The following MYO10 variants were observed in gnomAD, a reference collection of about 807,000 sequenced individuals.
MYO10 encodes the protein unconventional myosin-X.
MYO10 carries 133 observed loss-of-function variants against 257.3 expected under a neutral mutation model. The ratio of observed to expected loss-of-function variants is 0.52; its 90% CI spans 0.45 to 0.60. The LOEUF is 0.60. MYO10 is among the 20% of genes least tolerant of loss of function. MYO10 has a pLI of 0.00. For missense variants in MYO10, 2,399 were observed against 2,635.7 expected, an observed-to-expected ratio of 0.91 and a Z score of 1.97; for synonymous variants, 1,104 against 1,028.6, an observed-to-expected ratio of 1.07 and a Z score of -1.40.
chr5:16,851,302 C>T (rs1282915934), intron 2 of MYO10, among the ~76,000 whole-genome samples: 1 of 152,124 alleles, frequency 6.6e-6, no homozygotes, highest in Admixed American at 6.5e-5. Context: ...AGAGCAGTGG[C>T]CTTAGTAATC....
chr5:16,793,319 A>G (rs1741826368), intron 4 of MYO10, among the ~76,000 whole-genome samples: 3 of 152,200 alleles, frequency 2.0e-5, no homozygotes, highest in Non-Finnish European at 4.4e-5. Flanking sequence ...ATAAAAATTA[A>G]GAAATTTTAT....
intron 19 of MYO10, among the ~76,000 whole-genome samples, chr5:16,747,713 T>C (rs1445421718): frequency 6.6e-6 from 1 of 151,514 alleles, no homozygotes; most frequent in Non-Finnish European, 1.5e-5. Flanking sequence ...GGTCAGGAGA[T>C]TGAGACCAGT....
chr5:16,809,167 GAA>G (rs1553998520), intron 3 of MYO10, among the ~76,000 whole-genome samples: 3 of 142,778 alleles, frequency 2.1e-5, no homozygotes. Context: ...ATTTCATGTG[GAA>G]AAAAAAAAAA....
At chr5:16,790,147 A>C (rs564171948) in intron 4 of MYO10, among the ~76,000 whole-genome samples, 2 of 152,018 alleles carry the variant, frequency 1.3e-5, no homozygotes, top group South Asian at 4.2e-4. Context: ...AAGACCAAAC[A>C]CTCAATTACC....
At chr5:16,895,758 AC>A (rs1745198954) in intron 1 of MYO10, among the ~76,000 whole-genome samples, 1 of 24,988 alleles carries the variant, frequency 4.0e-5, no homozygotes, top group Non-Finnish European at 9.3e-5. Flanking sequence ...ACCACAACAC[AC>A]ACACACACAC....
chr5:16,767,671 G>C (rs1281198444), intron 10 of MYO10, among the ~76,000 whole-genome samples: 1 of 151,612 alleles, frequency 6.6e-6, no homozygotes, highest in Non-Finnish European at 1.5e-5. Context: ...TTTAACTTTT[G>C]ATTAGAAGTT....
At chr5:16,761,582 G>A in intron 16 of MYO10, 36 bp from the exon 17 acceptor site, 2 of 1,491,642 alleles carry the variant, frequency 1.3e-6, no homozygotes, top group Admixed American at 1.7e-5. Flanking sequence ...AAAACTGATT[G>A]AAAGAATAGT....
intron 9 of MYO10, among the ~76,000 whole-genome samples, chr5:16,773,497 T>TA (rs1013224624): frequency 1.3e-3 from 194 of 151,676 alleles, no homozygotes; most frequent in African/African-American, 4.6e-3. Flanking sequence ...ACCCCATTTC[T>TA]AAAAAAAATT....
intron 19 of MYO10, 37 bp downstream of exon 19, chr5:16,754,791 G>C (rs764712819): frequency 2.0e-6 from 3 of 1,489,572 alleles, no homozygotes; most frequent in Non-Finnish European, 2.8e-6. Flanking sequence ...TGTGTCCCTC[G>C]AGACAGATCC....
At chr5:16,843,175 A>T (rs1743535574) in intron 2 of MYO10, among the ~76,000 whole-genome samples, 1 of 152,108 alleles carries the variant, frequency 6.6e-6, no homozygotes. Context: ...CCGGTCCAGC[A>T]CTGACTTCCA....
chr5:16,812,748 T>C (rs1040090677), intron 3 of MYO10, among the ~76,000 whole-genome samples: 1 of 152,142 alleles, frequency 6.6e-6, no homozygotes, highest in African/African-American at 2.4e-5. Flanking sequence ...TCCCAGAGCT[T>C]TCACTTCTTT....
At chr5:16,835,492 GT>G (rs1554001242) in intron 2 of MYO10, among the ~76,000 whole-genome samples, 949 of 81,076 alleles carry the variant, frequency 0.012, 5 homozygotes, top group African/African-American at 0.039. Context: ...ATTTTTGGCT[GT>G]TTTTTTTTTT....
chr5:16,679,930 G>A lies in MYO10; in HGVS notation c.4542+17C>T, dbSNP rs370621875. 9 of 1,611,860 alleles carry A rather than the reference G, an allele frequency of 5.6e-6. No homozygotes were observed. The African/African-American group carries it at 1.2e-4, about 21-fold the overall frequency. The stretch of plus-strand genomic sequence containing the variant: ...TGAGCTGTAATCACCCACCTTGATG[G>A]GCTTGTCTTGGCTTACCTTGATATC... On this transcript the variant is annotated intron_variant, in intron 33 of 40. Transcript: ENST00000513610.
At chr5:16,801,140 G>A (rs529971799) in intron 3 of MYO10, among the ~76,000 whole-genome samples, 1 of 152,178 alleles carries the variant, frequency 6.6e-6, no homozygotes, top group East Asian at 1.9e-4. Context: ...AAATGGTCAG[G>A]ACCCTTTCTG....
intron 18 of MYO10, among the ~76,000 whole-genome samples, chr5:16,755,617 G>C (rs566125351): frequency 1.3e-5 from 2 of 151,940 alleles, no homozygotes; most frequent in East Asian, 1.9e-4. Flanking sequence ...GACAGTCTAT[G>C]CCAGCACTTC....
chr5:16,741,978 T>C (rs1740032322), intron 19 of MYO10: 1 of 985,386 alleles, frequency 1.0e-6, no homozygotes, highest in Non-Finnish European at 1.2e-6. Flanking sequence ...TCATTCCTGA[T>C]TCTACTCAAA....
At chr5:16,893,069 C>G (rs551271534) in intron 1 of MYO10, among the ~76,000 whole-genome samples, 2 of 151,520 alleles carry the variant, frequency 1.3e-5, no homozygotes, top group Non-Finnish European at 2.9e-5. Context: ...TGGTGGCGGG[C>G]GCCTGTAGTC....
intron 3 of MYO10, among the ~76,000 whole-genome samples, chr5:16,810,715 CAAAG>C (rs1484879835): frequency 6.6e-6 from 1 of 152,052 alleles, no homozygotes; most frequent in African/African-American, 2.4e-5. Flanking sequence ...GTCAAGGCTG[CAAAG>C]AACTATGATC....
intron 19 of MYO10, among the ~76,000 whole-genome samples, chr5:16,737,161 G>T (rs1035927323): frequency 6.6e-6 from 1 of 152,184 alleles, no homozygotes; most frequent in Non-Finnish European, 1.5e-5. Flanking sequence ...CCTAAATGTG[G>T]AGGGTGAGGG....
Sources: allele counts gnomAD v4.1 joint callset (sites outside exome capture counted in the v4.1 genomes callset), GRCh38; gene constraint gnomAD v4.1.1; transcripts MANE v1.5; gene names NCBI Gene and HGNC (gene_info 2026-07-23, HGNC 2026-07-21).